SEMA5A: variants seen among roughly 807,000 people sequenced by gnomAD.
SEMA5A encodes semaphorin 5A.
Under a neutral mutation model 135.5 loss-of-function variants are expected in SEMA5A, and 55 were observed. The ratio of observed to expected loss-of-function variants is 0.41; its 90% CI spans 0.33 to 0.51. The LOEUF (loss-of-function observed/expected upper bound fraction) is 0.51. Among genes scored for constraint, SEMA5A ranks in the 20% least tolerant of loss-of-function variants. The pLI is 0.37. For missense variants in SEMA5A, 1,290 were observed against 1,419.9 expected, an observed-to-expected ratio of 0.91 and a Z score of 1.47; for synonymous variants, 580 against 546.5, an observed-to-expected ratio of 1.06 and a Z score of -0.85.
At chr5:9,290,418 C>T (rs927441927) in intron 5 of SEMA5A, among the ~76,000 whole-genome samples, 2 of 152,140 alleles carry the variant, frequency 1.3e-5, no homozygotes, top group African/African-American at 4.8e-5. Flanking sequence ...ATATACACTA[C>T]ATTTTCTTTA....
At chr5:9,128,184 G>T (rs1741220580) in intron 13 of SEMA5A, among the ~76,000 whole-genome samples, 1 of 152,142 alleles carries the variant, frequency 6.6e-6, no homozygotes, top group Non-Finnish European at 1.5e-5. Context: ...GTGGTGAGTT[G>T]GGCTGGCACC....
intron 1 of SEMA5A, among the ~76,000 whole-genome samples, chr5:9,493,380 T>G (rs6865050): frequency 0.4 from 61,076 of 151,414 alleles, 12,913 homozygotes; most frequent in Non-Finnish European, 0.46. Flanking sequence ...AATCCTACAC[T>G]TATACATTTT....
At chr5:9,183,388 A>C (rs1744631563) in intron 11 of SEMA5A, among the ~76,000 whole-genome samples, 1 of 152,164 alleles carries the variant, frequency 6.6e-6, no homozygotes, top group South Asian at 2.1e-4. Context: ...TGCAGCTACC[A>C]GCTCTTCCAG....
intron 3 of SEMA5A, among the ~76,000 whole-genome samples, chr5:9,362,542 G>T (rs1754743122): frequency 6.6e-6 from 1 of 152,100 alleles, no homozygotes; most frequent in African/African-American, 2.4e-5. Context: ...TGATAAATAT[G>T]AACATTTTAA....
intron 5 of SEMA5A, among the ~76,000 whole-genome samples, chr5:9,305,734 G>GTATATATATATATA (rs1751836644): frequency 7.0e-6 from 1 of 142,494 alleles, no homozygotes; most frequent in African/African-American, 2.6e-5. Context: ...ATATTTACAC[G>GTATATATATATATA]CACACACACA....
intron 1 of SEMA5A, among the ~76,000 whole-genome samples, chr5:9,523,626 T>C (rs1736957515): frequency 6.6e-6 from 1 of 152,184 alleles, no homozygotes; most frequent in Non-Finnish European, 1.5e-5. Flanking sequence ...ATCACCCTCC[T>C]GGGTGAACTC....
intron 5 of SEMA5A, among the ~76,000 whole-genome samples, chr5:9,280,487 C>T (rs1054035605): frequency 3.3e-5 from 5 of 152,170 alleles, no homozygotes; most frequent in African/African-American, 1.2e-4. Context: ...AGCCTGACCC[C>T]GTGTTAGTGC....
rs542366787 is a variant in SEMA5A at position 9,462,100 on chromosome 5, T to C, written c.-174-24248A>G. ...ATCCCAAGACTTTCTCATACTCGAG[T>C]TCTAGAAGTATCTCTATCCCAAACC... On this transcript the variant is annotated intron_variant, in intron 1 of 22. Transcript: ENST00000382496. Among the ~76,000 whole-genome samples the C allele has an allele frequency of 5.3e-5, 8 of 152,250 alleles. No individual in the cohort carries two copies. In the East Asian group the frequency reaches 1.4e-3, roughly 26 times the overall value.
intron 3 of SEMA5A, among the ~76,000 whole-genome samples, chr5:9,343,303 G>T (rs550875144): frequency 6.6e-6 from 1 of 152,116 alleles, no homozygotes; most frequent in Non-Finnish European, 1.5e-5. Context: ...AAATCAGAAC[G>T]TAGGAATGAT....
intron 6 of SEMA5A, among the ~76,000 whole-genome samples, chr5:9,235,724 T>A (rs1747872318): frequency 6.7e-6 from 1 of 150,128 alleles, no homozygotes; most frequent in Non-Finnish European, 1.5e-5. Context: ...ATAGTGCTTA[T>A]TGATGTGTCC....
intron 5 of SEMA5A, among the ~76,000 whole-genome samples, chr5:9,239,663 T>TC (rs199504158): frequency 0.19 from 29,100 of 151,718 alleles, 3,030 homozygotes; most frequent in African/African-American, 0.3. Context: ...AAGAATATGA[T>TC]ATATTCTTTC....
intron 3 of SEMA5A, among the ~76,000 whole-genome samples, chr5:9,358,263 A>G (rs1040197635): frequency 6.6e-6 from 1 of 152,078 alleles, no homozygotes; most frequent in Admixed American, 6.5e-5. Flanking sequence ...CACTGGCTCC[A>G]TTTTACCTTC....
At chr5:9,425,344 C>A (rs1445579587) in intron 2 of SEMA5A, among the ~76,000 whole-genome samples, 1 of 152,196 alleles carries the variant, frequency 6.6e-6, no homozygotes, top group African/African-American at 2.4e-5. Flanking sequence ...ATCGCCAGTG[C>A]CTAAAACCGA....
rs1755529261 is a variant in SEMA5A at position 9,380,032 on chromosome 5, C to G, written c.-77-9G>C. The G allele has an allele frequency of 6.8e-7, 1 of 1,480,760 alleles. No individual in the cohort carries two copies. The allele number at this position is 1,480,760 out of a possible 1,614,324, so 91.7% of individuals were successfully genotyped here. A position where few individuals can be genotyped will look rare whatever the true frequency, so the allele number is the denominator to read the frequency against. Reference sequence around the variant, plus strand: ...TCATGTGTGGAAAGTGCCTAAAACACACAAAAGAGAAGAATCAGATGACTG... The same window carrying G: ...TCATGTGTGGAAAGTGCCTAAAACAGACAAAAGAGAAGAATCAGATGACTG... On this transcript the variant is annotated splice_polypyrimidine_tract_variant and intron_variant, in intron 2 of 22. Transcript: ENST00000382496.
chr5:9,385,794 C>CTTTTTTTTTTTTTTTT, intron 2 of SEMA5A, among the ~76,000 whole-genome samples: 1 of 109,988 alleles, frequency 9.1e-6, no homozygotes, highest in Non-Finnish European at 1.8e-5. Context: ...TTGGAAAGCG[C>CTTTTTTTTTTTTTTTT]TTTTTTTTTT....
chr5:9,287,676 T>C (rs1750867361), intron 5 of SEMA5A, among the ~76,000 whole-genome samples: 1 of 152,226 alleles, frequency 6.6e-6, no homozygotes, highest in Non-Finnish European at 1.5e-5. Context: ...TAAAGTTTTA[T>C]TAAAACTCAG....
At chr5:9,374,361 ACCATC>A (rs10595295) in intron 3 of SEMA5A, among the ~76,000 whole-genome samples, 21,571 of 152,064 alleles carry the variant, frequency 0.14, 1,958 homozygotes, top group East Asian at 0.34. Context: ...ACGTTCCGTT[ACCATC>A]CAGTCCTTCA....
intron 5 of SEMA5A, among the ~76,000 whole-genome samples, chr5:9,278,418 G>C (rs929779145): frequency 1.3e-5 from 2 of 152,208 alleles, no homozygotes; most frequent in Non-Finnish European, 2.9e-5. Flanking sequence ...AAGCATAAAA[G>C]TTTGGAAAAT....
chr5:9,443,899 G>T (rs1758331144), intron 1 of SEMA5A, among the ~76,000 whole-genome samples: 1 of 152,214 alleles, frequency 6.6e-6, no homozygotes, highest in Admixed American at 6.5e-5. Flanking sequence ...AGGTGATGAA[G>T]AAATTATAGG....
Sources: gnomAD v4.1 joint callset for allele counts (sites outside exome capture counted in the v4.1 genomes callset) on GRCh38, gnomAD v4.1.1 for gene constraint, MANE v1.5 for transcripts, NCBI Gene and HGNC (gene_info 2026-07-23, HGNC 2026-07-21) for gene names.